Variants in ADGRD1 observed in about 807,000 individuals in gnomAD.
The protein encoded by ADGRD1 is adhesion G protein-coupled receptor D1.
A neutral mutation model predicts 113.4 loss-of-function variants in ADGRD1; 77 were observed. That is an observed-to-expected ratio of 0.68 (90% confidence interval 0.57 to 0.82). The LOEUF is 0.82. ADGRD1 is among the 40% of genes least tolerant of loss of function. The probability of loss-of-function intolerance (pLI) is 0.00; values close to 1 mark genes in which losing one functional copy is unlikely to be tolerated. For synonymous variants in ADGRD1, 474 were observed against 475.0 expected, an observed-to-expected ratio of 1.00 and a Z score of 0.03; for missense variants, 1,036 against 1,139.1, an observed-to-expected ratio of 0.91 and a Z score of 1.30.
At chr12:131,059,086 T>C (rs1269648127) in intron 13 of ADGRD1, among the ~76,000 whole-genome samples, 6 of 152,206 alleles carry the variant, frequency 3.9e-5, no homozygotes, top group Non-Finnish European at 8.8e-5. Flanking sequence ...GGGTAATTTA[T>C]GTTGTTTTTC....
intron 21 of ADGRD1, among the ~76,000 whole-genome samples, chr12:131,134,466 T>G (rs753124867): frequency 6.6e-6 from 1 of 152,246 alleles, no homozygotes; most frequent in Non-Finnish European, 1.5e-5. Flanking sequence ...GTAGCACATT[T>G]TGGTACTTAT....
chr12:131,008,472 AAGTC>A (rs1345524666), intron 12 of ADGRD1, among the ~76,000 whole-genome samples: 2 of 152,180 alleles, frequency 1.3e-5, no homozygotes, highest in Non-Finnish European at 2.9e-5. Flanking sequence ...GTGAGGGTCT[AAGTC>A]AGTACGTGAG....
chr12:130,963,523 T>G (rs1382119147), intron 2 of ADGRD1, among the ~76,000 whole-genome samples: 2 of 152,142 alleles, frequency 1.3e-5, no homozygotes, highest in Non-Finnish European at 2.9e-5. Flanking sequence ...ACCAACTATA[T>G]TTTACACAAA....
chr12:131,076,934 A>G (rs1212690149), intron 14 of ADGRD1, 60 bp downstream of exon 14: 5 of 1,353,592 alleles, frequency 3.7e-6, no homozygotes, highest in Non-Finnish European at 5.3e-6. Context: ...GGCCCGCCCC[A>G]TGCCAGCCCA....
chr12:131,112,628 G>C (rs566720746), intron 18 of ADGRD1, among the ~76,000 whole-genome samples: 1 of 152,330 alleles, frequency 6.6e-6, no homozygotes, highest in Non-Finnish European at 1.5e-5. Flanking sequence ...CTTTAAATCA[G>C]TTCCCATGGG....
At position 130,954,681 on chromosome 12, in the gene ADGRD1, C is replaced by T. The variant is rs1428270443; in HGVS notation, c.103+21C>T. 6.2e-6 allele frequency: 10 copies of T among 1,608,486 alleles called. No homozygotes were observed. Among genetic ancestry groups the T allele is most frequent in the Non-Finnish European group, 8.5e-6 (10 of 1,176,760 alleles). On this transcript the variant is annotated intron_variant, in intron 2 of 24. Coordinates refer to ENST00000261654, the MANE Select transcript of ADGRD1 (RefSeq NM_198827.5). The surrounding 1 kb of genome is among the most constrained non-coding windows in gnomAD (Gnocchi z 4.7). Reference sequence around the variant, plus strand: ...TCCAGGTAAGAGTGTTTCCTTCTCACTCTGAGCACCGCTCTCCCCCTGCCT... The same window carrying T: ...TCCAGGTAAGAGTGTTTCCTTCTCATTCTGAGCACCGCTCTCCCCCTGCCT...
At chr12:131,012,801 C>G (rs529096355) in intron 12 of ADGRD1, among the ~76,000 whole-genome samples, 1 of 152,214 alleles carries the variant, frequency 6.6e-6, no homozygotes, top group Admixed American at 6.5e-5. Context: ...AAACAGGGAC[C>G]TGCAGGTTCC....
At chr12:131,012,374 C>T (rs189133501) in intron 12 of ADGRD1, among the ~76,000 whole-genome samples, 442 of 151,606 alleles carry the variant, frequency 2.9e-3, no homozygotes, top group African/African-American at 9.9e-3. Context: ...ATTGCCGGGT[C>T]GAGCAGTCGC....
chr12:131,072,560 C>T lies in ADGRD1; in HGVS notation c.1474-4241C>T, dbSNP rs80182331. Among the ~76,000 whole-genome samples, 1,318 of 152,314 alleles carry T rather than the reference C, an allele frequency of 8.7e-3. 8 individuals are homozygous for T. Among genetic ancestry groups the T allele is most frequent in the Non-Finnish European group, 0.015 (989 of 68,034 alleles). On this transcript the variant is annotated intron_variant, in intron 13 of 24. Coordinates refer to ENST00000261654, the MANE Select transcript of ADGRD1 (RefSeq NM_198827.5). ...GGAGGCTGCTCTCTAGGATTGAGAT[C>T]TGGCCCCATGATCTCAAAATAAGGA...
intron 4 of ADGRD1, among the ~76,000 whole-genome samples, chr12:130,972,525 G>C (rs542565270): frequency 3.5e-4 from 54 of 152,236 alleles, no homozygotes; most frequent in African/African-American, 1.3e-3. Flanking sequence ...ATGGTTATGA[G>C]GCCCAAAACC....
chr12:131,025,075 T>C (rs1309216492), intron 13 of ADGRD1, among the ~76,000 whole-genome samples: 2 of 152,234 alleles, frequency 1.3e-5, no homozygotes, highest in Non-Finnish European at 2.9e-5. Flanking sequence ...CTGTGAAGTA[T>C]GAAAGGTGCC....
chr12:131,032,045 T>A (rs556217552), intron 13 of ADGRD1, among the ~76,000 whole-genome samples: 1 of 152,164 alleles, frequency 6.6e-6, no homozygotes, highest in African/African-American at 2.4e-5. Flanking sequence ...GCCCCACAGA[T>A]AGAGGGGGTG....
At position 130,996,934 on chromosome 12, in the gene ADGRD1, G is replaced by A. The variant is rs868157828; in HGVS notation, c.967-3449G>A. 6.5e-3 allele frequency among the ~76,000 whole-genome samples: 844 copies of A among 130,544 alleles called. 13 individuals carry two copies. Among genetic ancestry groups the A allele is most frequent in the African/African-American group, 0.015 (477 of 32,808 alleles). 85.6% of individuals were successfully genotyped at this position (130,544 alleles called of 152,430 possible). A position where few individuals can be genotyped will look rare whatever the true frequency, so the allele number is the denominator to read the frequency against. On this transcript the variant is annotated intron_variant, in intron 8 of 24. Coordinates refer to ENST00000261654, the MANE Select transcript of ADGRD1 (RefSeq NM_198827.5). ...CGGGCAGAGGAGCCCCTCACCTCCC[G>A]GACGGGGTGGCTGGCCGGGTGGGGG...
chr12:130,961,378 T>C (rs1736167569), intron 2 of ADGRD1, among the ~76,000 whole-genome samples: 1 of 151,940 alleles, frequency 6.6e-6, no homozygotes. Flanking sequence ...GGGCTGAAAA[T>C]ACCCCTTTTT....
chr12:131,052,261 C>T (rs888862280), intron 13 of ADGRD1, among the ~76,000 whole-genome samples: 4 of 152,182 alleles, frequency 2.6e-5, no homozygotes, highest in Non-Finnish European at 4.4e-5. Flanking sequence ...GAGATGAGAA[C>T]CCCTGCACCG....
chr12:131,088,065 G>C (rs779552322), intron 15 of ADGRD1, among the ~76,000 whole-genome samples: 1 of 152,098 alleles, frequency 6.6e-6, no homozygotes, highest in East Asian at 1.9e-4. Context: ...GGCTTCCCTC[G>C]TGGTGTCGTA....
chr12:131,039,549 C>T (rs1375561651), intron 13 of ADGRD1, among the ~76,000 whole-genome samples: 4 of 152,256 alleles, frequency 2.6e-5, no homozygotes, highest in African/African-American at 9.6e-5. Context: ...CAAGGGACAG[C>T]TCTGAACATC....
At chr12:131,079,674 C>T (rs972268717) in intron 14 of ADGRD1, among the ~76,000 whole-genome samples, 3 of 152,062 alleles carry the variant, frequency 2.0e-5, no homozygotes, top group South Asian at 2.1e-4. Flanking sequence ...CTATGTAGGT[C>T]GTCTACTTCT....
intron 4 of ADGRD1, chr12:130,977,635 C>T: frequency 6.6e-6 from 1 of 152,546 alleles, no homozygotes; most frequent in Non-Finnish European, 1.5e-5. Context: ...GGTGTGGGAG[C>T]AGCATCCGCT....
Sources: gnomAD v4.1 joint callset for allele counts (sites outside exome capture counted in the v4.1 genomes callset) on GRCh38, gnomAD v4.1.1 for gene constraint, Gnocchi (gnomAD v3.1) non-coding constraint, MANE v1.5 for transcripts, NCBI Gene and HGNC (gene_info 2026-07-23, HGNC 2026-07-21) for gene names.